RAD51B: variants seen among roughly 807,000 people sequenced by gnomAD.
The protein encoded by RAD51B is DNA repair protein RAD51 homolog 2.
In RAD51B, 38 loss-of-function variants were observed where a neutral mutation model predicts 42.2. The ratio of observed to expected loss-of-function variants is 0.90; its 90% CI spans 0.70 to 1.18. The LOEUF is 1.18. Ranked by LOEUF, RAD51B falls within the 50% of genes most tolerant of loss-of-function variation. RAD51B has a pLI of 0.00. For synonymous variants in RAD51B, 154 were observed against 145.2 expected, an observed-to-expected ratio of 1.06 and a Z score of -0.43; for missense variants, 373 against 400.7, an observed-to-expected ratio of 0.93 and a Z score of 0.59.
intron 10 of RAD51B, among the ~76,000 whole-genome samples, chr14:68,634,421 G>T (rs150746577): frequency 3.0e-4 from 45 of 152,318 alleles, no homozygotes; most frequent in Middle Eastern, 3.4e-3. Flanking sequence ...GGCAATGCCA[G>T]AGGAATGAAG....
At chr14:68,476,246 T>A (rs1172322185) in intron 10 of RAD51B, among the ~76,000 whole-genome samples, 2 of 152,206 alleles carry the variant, frequency 1.3e-5, no homozygotes, top group African/African-American at 4.8e-5. Flanking sequence ...GGACTTGGAC[T>A]GGATTTCAGC....
In RAD51B at chr14:68,177,018, A is replaced by C. The variant is rs1219666891; in HGVS notation, c.757-114866A>C. Among the ~76,000 whole-genome samples the C allele has an allele frequency of 2.0e-5, 3 of 152,206 alleles. No individual in the cohort carries two copies. The East Asian group carries it at 5.8e-4, about 29-fold the overall frequency. Reference sequence around the variant, plus strand: ...GCCATCCACAATTGAGGCATGTCACAAAATGAGCAAAGGAGTCCTTTTCTC... The same window carrying C: ...GCCATCCACAATTGAGGCATGTCACCAAATGAGCAAAGGAGTCCTTTTCTC... On this transcript the variant is annotated intron_variant, in intron 7 of 10. Transcript: ENST00000471583.
At chr14:68,207,353 A>G (rs1007074814) in intron 7 of RAD51B, among the ~76,000 whole-genome samples, 4 of 152,192 alleles carry the variant, frequency 2.6e-5, no homozygotes, top group African/African-American at 9.6e-5. Flanking sequence ...TACTTGCCCA[A>G]TTCAGTTTTA....
chr14:68,210,795 G>A (rs2079689567), intron 7 of RAD51B, among the ~76,000 whole-genome samples: 1 of 152,002 alleles, frequency 6.6e-6, no homozygotes, highest in South Asian at 2.1e-4. Flanking sequence ...ATGTTGACGT[G>A]GAGTGAGTTA....
At chr14:68,425,569 C>G (rs1272112063) in intron 9 of RAD51B, among the ~76,000 whole-genome samples, 2 of 152,214 alleles carry the variant, frequency 1.3e-5, no homozygotes, top group African/African-American at 4.8e-5. Flanking sequence ...TCACCAGATG[C>G]TGGCCCCTTG....
intron 7 of RAD51B, among the ~76,000 whole-genome samples, chr14:67,930,033 G>A (rs553928540): frequency 5.3e-5 from 8 of 152,070 alleles, no homozygotes; most frequent in African/African-American, 1.4e-4. Flanking sequence ...TTTGGTTTCC[G>A]TTTGTGTGGA....
chr14:68,096,252 A>G (rs2077192743), intron 7 of RAD51B, among the ~76,000 whole-genome samples: 1 of 152,184 alleles, frequency 6.6e-6, no homozygotes, highest in Admixed American at 6.5e-5. Context: ...TTTAAGCTGC[A>G]CCATAGAAAA....
intron 7 of RAD51B, among the ~76,000 whole-genome samples, chr14:68,105,456 A>G (rs1413292415): frequency 2.0e-5 from 3 of 152,036 alleles, no homozygotes; most frequent in African/African-American, 7.2e-5. Context: ...CAGGTTGTTA[A>G]TAAGAAACTC....
chr14:68,061,313 C>T (rs1040454119), intron 7 of RAD51B, among the ~76,000 whole-genome samples: 1 of 152,108 alleles, frequency 6.6e-6, no homozygotes, highest in Admixed American at 6.5e-5. Context: ...AAATGATCCA[C>T]CCACCTTGGC....
At chr14:68,440,848 A>G (rs1181826354) in intron 9 of RAD51B, among the ~76,000 whole-genome samples, 1 of 152,224 alleles carries the variant, frequency 6.6e-6, no homozygotes, top group Non-Finnish European at 1.5e-5. Context: ...CTAATACTAC[A>G]GGGAACAGCT....
intron 7 of RAD51B, among the ~76,000 whole-genome samples, chr14:68,044,675 G>A (rs753690516): frequency 6.6e-5 from 10 of 152,118 alleles, no homozygotes; most frequent in African/African-American, 1.2e-4. Context: ...TTAAAACAGA[G>A]AACTTAGTAA....
At chr14:68,552,241 C>T (rs1298610394) in intron 10 of RAD51B, among the ~76,000 whole-genome samples, 1 of 152,152 alleles carries the variant, frequency 6.6e-6, no homozygotes, top group South Asian at 2.1e-4. Context: ...TTAGAGTTTG[C>T]GTCTTCCGCA....
At chr14:67,922,055 G>C (rs562208834) in intron 7 of RAD51B, among the ~76,000 whole-genome samples, 5 of 152,192 alleles carry the variant, frequency 3.3e-5, no homozygotes, top group African/African-American at 7.2e-5. Context: ...CTCAGCAAGC[G>C]TCCAGCTTTG....
At position 68,641,894 on chromosome 14, in the gene RAD51B, T is replaced by C. The variant is rs146262086; in HGVS notation, c.1037-8887T>C. 9.2e-4 allele frequency among the ~76,000 whole-genome samples: 139 copies of C among 151,684 alleles called. 1 individual carries two copies. Among genetic ancestry groups the C allele is most frequent in the African/African-American group, 3.1e-3 (130 of 41,378 alleles). On this transcript the variant is annotated intron_variant, in intron 10 of 11. Coordinates refer to the RAD51B transcript ENST00000488612. ...TTTTTTTTTTAGCCCATTGATGTGATGGATTACATTAACTGATTTTGGAAT... is the reference window on the plus strand; with the variant it reads ...TTTTTTTTTTAGCCCATTGATGTGACGGATTACATTAACTGATTTTGGAAT...
intron 7 of RAD51B, among the ~76,000 whole-genome samples, chr14:68,218,752 A>G (rs539655540): frequency 2.0e-5 from 3 of 152,376 alleles, no homozygotes; most frequent in South Asian, 4.1e-4. Flanking sequence ...ATAGTTTACA[A>G]TATAATCTAA....
chr14:67,843,671 T>C (rs1276803940), intron 4 of RAD51B, among the ~76,000 whole-genome samples: 1 of 151,976 alleles, frequency 6.6e-6, no homozygotes, highest in African/African-American at 2.4e-5. Context: ...TCTCTGAGGG[T>C]TTTTTGTATT....
At chr14:68,030,016 G>A (rs1235624439) in intron 7 of RAD51B, among the ~76,000 whole-genome samples, 1 of 152,228 alleles carries the variant, frequency 6.6e-6, no homozygotes, top group African/African-American at 2.4e-5. Flanking sequence ...CTTCTGAGCA[G>A]TAAGTCTCAA....
At chr14:68,120,434 C>T (rs1377443947) in intron 7 of RAD51B, among the ~76,000 whole-genome samples, 2 of 152,150 alleles carry the variant, frequency 1.3e-5, no homozygotes, top group East Asian at 1.9e-4. Context: ...TCACATTAGG[C>T]AGGTTTTAGA....
intron 9 of RAD51B, among the ~76,000 whole-genome samples, chr14:68,456,399 A>G (rs1468016721): frequency 6.6e-6 from 1 of 152,216 alleles, no homozygotes; most frequent in Non-Finnish European, 1.5e-5. Flanking sequence ...GGAAAAATAC[A>G]TGTCATGCAA....
Sources: gnomAD v4.1 joint callset for allele counts (sites outside exome capture counted in the v4.1 genomes callset) on GRCh38, gnomAD v4.1.1 for gene constraint, MANE v1.5 for transcripts, NCBI Gene and HGNC (gene_info 2026-07-23, HGNC 2026-07-21) for gene names.